The following POU2F1 variants were observed in gnomAD, a reference collection of about 807,000 sequenced individuals.
POU2F1 encodes POU domain, class 2, transcription factor 1.
A neutral mutation model predicts 84.9 loss-of-function variants in POU2F1; 16 were observed. That is an observed-to-expected ratio of 0.19 (90% CI 0.13 to 0.29). The LOEUF is 0.29. POU2F1 is among the 10% of genes least tolerant of loss of function. The probability of loss-of-function intolerance (pLI) is 1.00; values close to 1 mark genes in which losing one functional copy is unlikely to be tolerated. For synonymous variants in POU2F1, 368 were observed against 368.3 expected, an observed-to-expected ratio of 1.00 and a Z score of 0.01; for missense variants, 738 against 942.6, an observed-to-expected ratio of 0.78 and a Z score of 2.84.
chr1:167,293,221 G>A (rs1382120684), intron 1 of POU2F1, among the ~76,000 whole-genome samples: 6 of 152,132 alleles, frequency 3.9e-5, no homozygotes, highest in Admixed American at 2.0e-4. Flanking sequence ...TCAGACTATC[G>A]TGATTGTATG....
At chr1:167,299,482 T>C (rs1654508805) in intron 1 of POU2F1, among the ~76,000 whole-genome samples, 1 of 152,132 alleles carries the variant, frequency 6.6e-6, no homozygotes, top group African/African-American at 2.4e-5. Flanking sequence ...TGATTGGAGA[T>C]TGATTGTGAT....
In POU2F1 at chr1:167,253,387, C is replaced by T. The variant is rs1000462779; in HGVS notation, c.61+32429C>T. On this transcript the variant is annotated intron_variant, in intron 1 of 15. Transcript: ENST00000367866. ...TTCTTTATTTTTCTGCCCCCCCCCC[C>T]CCAAACACACAGGAGAGTGGAACTT... 1.5e-3 allele frequency among the ~76,000 whole-genome samples: 191 copies of T among 124,378 alleles called. 12 individuals carry two copies. Among genetic ancestry groups the T allele is most frequent in the African/African-American group, 5.2e-3 (173 of 32,974 alleles). The allele number at this position is 124,378 out of a possible 152,430, so 81.6% of individuals were successfully genotyped here.
intron 1 of POU2F1, among the ~76,000 whole-genome samples, chr1:167,304,069 G>A (rs570058144): frequency 6.6e-6 from 1 of 152,244 alleles, no homozygotes; most frequent in Admixed American, 6.5e-5. Flanking sequence ...AGCTAGTGTA[G>A]AACAGAGATC....
chr1:167,248,313 C>G (rs1346536226), intron 1 of POU2F1, among the ~76,000 whole-genome samples: 1 of 152,198 alleles, frequency 6.6e-6, no homozygotes, highest in African/African-American at 2.4e-5. Context: ...AAGCACAAAA[C>G]AATCATCTAA....
At chr1:167,294,741 A>C (rs550542887) in intron 1 of POU2F1, among the ~76,000 whole-genome samples, 1 of 152,202 alleles carries the variant, frequency 6.6e-6, no homozygotes, top group Non-Finnish European at 1.5e-5. Flanking sequence ...TACTGCAAGA[A>C]TGGCCAGATC....
intron 15 of POU2F1, chr1:167,414,245 T>A (rs1650160768): frequency 2.3e-6 from 2 of 873,648 alleles, no homozygotes; most frequent in African/African-American, 1.8e-5. Flanking sequence ...TTTTTTGCAA[T>A]AGAATTTGTG....
At chr1:167,341,839 T>C (rs938857374) in intron 2 of POU2F1, among the ~76,000 whole-genome samples, 3 of 152,168 alleles carry the variant, frequency 2.0e-5, no homozygotes, top group African/African-American at 7.2e-5. Context: ...AGGGGTTTTG[T>C]TGAGCGGTGG....
intron 1 of POU2F1, among the ~76,000 whole-genome samples, chr1:167,221,253 TCCTCCTCTGCCGGCCGCCGCTGCCG>T (rs889569093): frequency 1.4e-5 from 2 of 146,688 alleles, no homozygotes; most frequent in African/African-American, 4.9e-5. Flanking sequence ...GCACCGGCCC[TCCTCCTCTGCCGGCCGCCGCTGCCG>T]CCTCCTCGCC....
intron 2 of POU2F1, among the ~76,000 whole-genome samples, chr1:167,344,098 A>G: frequency 6.6e-6 from 1 of 152,306 alleles, no homozygotes; most frequent in South Asian, 2.1e-4. Context: ...AAATTAAATT[A>G]AAAATTCAAT....
At chr1:167,307,650 A>C (rs1042023484) in intron 1 of POU2F1, among the ~76,000 whole-genome samples, 1 of 152,130 alleles carries the variant, frequency 6.6e-6, no homozygotes, top group Non-Finnish European at 1.5e-5. Context: ...ACCCCCAACT[A>C]CTTTACTGTC....
chr1:167,323,427 A>G (rs1373950286), intron 1 of POU2F1, among the ~76,000 whole-genome samples: 1 of 152,230 alleles, frequency 6.6e-6, no homozygotes, highest in Non-Finnish European at 1.5e-5. Context: ...AATGTAATAT[A>G]GCACAGGTTA....
chr1:167,317,232 T>C (rs1236818171), intron 1 of POU2F1, among the ~76,000 whole-genome samples: 3 of 152,228 alleles, frequency 2.0e-5, no homozygotes, highest in Non-Finnish European at 4.4e-5. Context: ...GACAAATTAC[T>C]ATATGGTCCT....
chr1:167,283,238 C>T (rs949618744), intron 1 of POU2F1, among the ~76,000 whole-genome samples: 2 of 151,782 alleles, frequency 1.3e-5, no homozygotes, highest in East Asian at 1.9e-4. Flanking sequence ...GTCCAAATTA[C>T]GGCCTGTTTT....
chr1:167,398,377 A>G (rs1648959593), intron 11 of POU2F1, among the ~76,000 whole-genome samples: 1 of 152,174 alleles, frequency 6.6e-6, no homozygotes, highest in Non-Finnish European at 1.5e-5. Flanking sequence ...AGCTTACCAT[A>G]GGATACATAG....
At chr1:167,300,593 T>A (rs1342917456) in intron 1 of POU2F1, among the ~76,000 whole-genome samples, 2 of 152,014 alleles carry the variant, frequency 1.3e-5, no homozygotes, top group Non-Finnish European at 2.9e-5. Flanking sequence ...GCCTCCCGAG[T>A]AGCTGGGACT....
chr1:167,323,220 C>T (rs1656451970), intron 1 of POU2F1, among the ~76,000 whole-genome samples: 1 of 152,104 alleles, frequency 6.6e-6, no homozygotes, highest in Admixed American at 6.5e-5. Context: ...AGTAAAGAAA[C>T]AGTATGGTAA....
intron 5 of POU2F1, among the ~76,000 whole-genome samples, chr1:167,372,280 T>C (rs1660061400): frequency 1.3e-5 from 2 of 152,146 alleles, no homozygotes; most frequent in African/African-American, 4.8e-5. Context: ...TTAAAAACCT[T>C]ATTAAACCCC....
chr1:167,287,246 G>T (rs1653595189), intron 1 of POU2F1, among the ~76,000 whole-genome samples: 1 of 152,158 alleles, frequency 6.6e-6, no homozygotes, highest in South Asian at 2.1e-4. Context: ...TAAAATACAG[G>T]TTTGCTATTT....
chr1:167,262,129 A>G (rs1261237766), intron 1 of POU2F1, among the ~76,000 whole-genome samples: 1 of 152,246 alleles, frequency 6.6e-6, no homozygotes, highest in East Asian at 1.9e-4. Flanking sequence ...GTCTTAGCAC[A>G]GCAGCTAATT....
Sources: gnomAD v4.1 joint callset for allele counts (sites outside exome capture counted in the v4.1 genomes callset) on GRCh38, gnomAD v4.1.1 for gene constraint, MANE v1.5 for transcripts, NCBI Gene and HGNC (gene_info 2026-07-23, HGNC 2026-07-21) for gene names.